Variants in SNX3 observed in about 807,000 individuals in gnomAD.
The protein encoded by SNX3 is sorting nexin 3.
A neutral mutation model predicts 17.7 loss-of-function variants in SNX3; 5 were observed. The ratio of observed to expected loss-of-function variants is 0.28; its 90% CI spans 0.15 to 0.59. The LOEUF is 0.59. SNX3 is among the 20% of genes least tolerant of loss of function. The probability of loss-of-function intolerance (pLI) is 0.88; values close to 1 mark genes in which losing one functional copy is unlikely to be tolerated. For missense variants in SNX3, 132 were observed against 206.8 expected, an observed-to-expected ratio of 0.64 and a Z score of 2.22; for synonymous variants, 91 against 76.5, an observed-to-expected ratio of 1.19 and a Z score of -0.99.
At chr6:108,230,928 T>C (rs1023789540) in intron 1 of SNX3, among the ~76,000 whole-genome samples, 3 of 152,210 alleles carry the variant, frequency 2.0e-5, no homozygotes, top group Non-Finnish European at 4.4e-5. Context: ...AAATGCTAGT[T>C]AATTTGTTAC....
At chr6:108,229,628 C>T (rs1450663101) in intron 1 of SNX3, among the ~76,000 whole-genome samples, 1 of 152,174 alleles carries the variant, frequency 6.6e-6, no homozygotes, top group Non-Finnish European at 1.5e-5. Context: ...GCTCTTGTCG[C>T]CCATGCTAGG....
At chr6:108,257,941 C>T (rs553318773) in intron 1 of SNX3, among the ~76,000 whole-genome samples, 30 of 151,260 alleles carry the variant, frequency 2.0e-4, no homozygotes, top group African/African-American at 6.6e-4. Context: ...TCCAGCCTGG[C>T]GACAGAGCAA....
intron 2 of SNX3, among the ~76,000 whole-genome samples, chr6:108,219,401 T>C (rs539702874): frequency 2.0e-5 from 3 of 152,288 alleles, no homozygotes; most frequent in Admixed American, 1.3e-4. Flanking sequence ...AGGCCAGGAA[T>C]TCAAGACCAG....
chr6:108,242,619 C>CT (rs1227023862), intron 1 of SNX3, among the ~76,000 whole-genome samples: 1 of 152,182 alleles, frequency 6.6e-6, no homozygotes, highest in Non-Finnish European at 1.5e-5. Flanking sequence ...GCATACACAC[C>CT]TCCCCTAGAA....
chr6:108,242,797 G>C (rs1438040769), intron 1 of SNX3, among the ~76,000 whole-genome samples: 1 of 152,172 alleles, frequency 6.6e-6, no homozygotes, highest in Non-Finnish European at 1.5e-5. Flanking sequence ...CCTTAAAAGG[G>C]GGCTTTAGTC....
intron 1 of SNX3, among the ~76,000 whole-genome samples, chr6:108,257,022 T>C (rs1776051861): frequency 6.6e-6 from 1 of 152,226 alleles, no homozygotes; most frequent in African/African-American, 2.4e-5. Flanking sequence ...ACCATCCATA[T>C]AAAATTGCCC....
chr6:108,212,339 G>T, intron 3 of SNX3, 85 bp from the exon 4 acceptor site: 1 of 949,110 alleles, frequency 1.1e-6, no homozygotes, highest in Non-Finnish European at 1.6e-6. Context: ...TGAGAAGCAT[G>T]TATAATTTTT....
chr6:108,228,471 G>A (rs1265209413), intron 1 of SNX3, among the ~76,000 whole-genome samples: 12 of 152,024 alleles, frequency 7.9e-5, no homozygotes, highest in African/African-American at 1.9e-4. Context: ...GCTTGAACCC[G>A]GGAAGCGGAG....
chr6:108,220,753 G>T (rs1014481558), intron 2 of SNX3, among the ~76,000 whole-genome samples: 1 of 152,036 alleles, frequency 6.6e-6, no homozygotes, highest in African/African-American at 2.4e-5. Flanking sequence ...CGAGGAGGGC[G>T]GATCACCTGA....
At chr6:108,224,890 A>C (rs952112200) in intron 1 of SNX3, among the ~76,000 whole-genome samples, 2 of 152,200 alleles carry the variant, frequency 1.3e-5, no homozygotes, top group Non-Finnish European at 2.9e-5. Context: ...TGTTCTTTTT[A>C]AGATTGCAAA....
chr6:108,248,378 T>C (rs1006494659), intron 1 of SNX3, among the ~76,000 whole-genome samples: 4 of 152,210 alleles, frequency 2.6e-5, no homozygotes, highest in Non-Finnish European at 5.9e-5. Flanking sequence ...GGAAAACTTA[T>C]CAGAGAAATC....
chr6:108,240,515 G>A (rs953190724), intron 1 of SNX3, among the ~76,000 whole-genome samples: 6 of 152,144 alleles, frequency 3.9e-5, no homozygotes, highest in Non-Finnish European at 5.9e-5. Context: ...CACCATGCCC[G>A]GCCAGAAGTC....
intron 1 of SNX3, among the ~76,000 whole-genome samples, chr6:108,257,003 C>G (rs755071907): frequency 6.6e-6 from 1 of 152,212 alleles, no homozygotes; most frequent in Non-Finnish European, 1.5e-5. Flanking sequence ...AACTTGCATT[C>G]TAAGTGCCAC....
chr6:108,250,059 C>T (rs1043684875), intron 1 of SNX3, among the ~76,000 whole-genome samples: 4 of 152,006 alleles, frequency 2.6e-5, no homozygotes, highest in Admixed American at 1.3e-4. Context: ...TAGAGGGGCA[C>T]GCCACCACAG....
In SNX3 at chr6:108,240,190, T is replaced by C. The variant is rs184799455; in HGVS notation, c.163-17145A>G. Among the ~76,000 whole-genome samples, 53 of 152,298 alleles carry C rather than the reference T, an allele frequency of 3.5e-4. 1 individual carries two copies. The highest frequency in any genetic ancestry group is 3.1e-3 in the Admixed American group (48 of 15,298). On this transcript the variant is annotated intron_variant, in intron 1 of 3. Coordinates refer to ENST00000230085, the MANE Select transcript of SNX3 (RefSeq NM_003795.6). Reference sequence around the variant, plus strand: ...CAAGAAAAACTACTCAACTCAGTTATGAAGAGCAGAAGTCTGTGTGTGGGT... The same window carrying C: ...CAAGAAAAACTACTCAACTCAGTTACGAAGAGCAGAAGTCTGTGTGTGGGT...
chr6:108,247,055 G>A (rs1775713935), intron 1 of SNX3, among the ~76,000 whole-genome samples: 2 of 152,108 alleles, frequency 1.3e-5, no homozygotes, highest in Admixed American at 6.6e-5. Flanking sequence ...CGTATCATGG[G>A]GGCAGTTCCC....
intron 1 of SNX3, among the ~76,000 whole-genome samples, chr6:108,236,943 ACTC>A (rs1775364303): frequency 6.6e-6 from 1 of 152,130 alleles, no homozygotes; most frequent in African/African-American, 2.4e-5. Flanking sequence ...ACAATACTTT[ACTC>A]CTTTCATAAA....
chr6:108,234,355 C>T (rs1345157250), intron 1 of SNX3, among the ~76,000 whole-genome samples: 1 of 151,938 alleles, frequency 6.6e-6, no homozygotes, highest in Non-Finnish European at 1.5e-5. Flanking sequence ...GAGTTCAAGA[C>T]CAGCCTGGCC....
At chr6:108,222,103 C>T (rs899967825) in intron 2 of SNX3, 2 of 758,232 alleles carry the variant, frequency 2.6e-6, no homozygotes, top group African/African-American at 3.7e-5. Flanking sequence ...ATTTTGTGCT[C>T]ATATGCAGCC....
Sources: gnomAD v4.1 joint callset for allele counts (sites outside exome capture counted in the v4.1 genomes callset) on GRCh38, gnomAD v4.1.1 for gene constraint, MANE v1.5 for transcripts, NCBI Gene and HGNC (gene_info 2026-07-23, HGNC 2026-07-21) for gene names.